Variants in DPP10 observed in about 807,000 individuals in gnomAD.
DPP10 encodes inactive dipeptidyl peptidase 10.
DPP10 carries 33 observed loss-of-function variants against 120.9 expected under a neutral mutation model. That is an observed-to-expected ratio of 0.27 (90% CI 0.21 to 0.37). DPP10 has a LOEUF of 0.37. Among genes scored for constraint, DPP10 ranks in the 10% least tolerant of loss-of-function variants. The probability of loss-of-function intolerance (pLI) is 1.00; values close to 1 mark genes in which losing one functional copy is unlikely to be tolerated. For missense variants in DPP10, 816 were observed against 942.8 expected (o/e 0.87, Z 1.76); for synonymous variants, 337 against 326.1 (o/e 1.03, Z -0.36).
At chr2:114,834,260 C>T (rs1445063851) in intron 1 of DPP10, among the ~76,000 whole-genome samples, 1 of 150,368 alleles carries the variant, frequency 6.7e-6, no homozygotes, top group Non-Finnish European at 1.5e-5. Flanking sequence ...ATATATAAGA[C>T]ATATCTACAC....
intron 1 of DPP10, among the ~76,000 whole-genome samples, chr2:115,277,883 C>A (rs1442864655): frequency 6.6e-6 from 1 of 152,076 alleles, no homozygotes; most frequent in Non-Finnish European, 1.5e-5. Context: ...TATCTAACTT[C>A]TACTGTTAAC....
chr2:115,721,384 G>A (rs952277016), intron 7 of DPP10, among the ~76,000 whole-genome samples: 2 of 151,982 alleles, frequency 1.3e-5, no homozygotes, highest in African/African-American at 2.4e-5. Context: ...GCTGCCCTAT[G>A]GTTTTGTACA....
chr2:115,844,639 TA>T lies in DPP10; in HGVS notation c.*2295del, dbSNP rs1480423482. 6.6e-6 allele frequency: 1 copy of T among 152,202 alleles called. No homozygotes were observed. Among genetic ancestry groups the T allele is most frequent in the Non-Finnish European group, 1.5e-5 (1 of 68,028 alleles). The allele number at this position is 152,202 out of a possible 1,614,324, so 9.4% of individuals were successfully genotyped here. ...TCATGTGATTGGATTTTCCCCTGTA[TA>T]CATGTACCCTTGGTCATAATCCCAC... is the stretch of plus-strand genomic sequence containing the variant. On this transcript the variant is annotated 3_prime_UTR_variant, in exon 26 of 26. Coordinates refer to ENST00000410059, the MANE Select transcript of DPP10 (RefSeq NM_020868.6).
chr2:115,100,318 A>G (rs942261345), intron 1 of DPP10, among the ~76,000 whole-genome samples: 3 of 152,102 alleles, frequency 2.0e-5, no homozygotes, highest in Non-Finnish European at 4.4e-5. Flanking sequence ...GCATGGTGGC[A>G]CATGCCTGTA....
chr2:114,660,777 A>G (rs556682794), intron 1 of DPP10, among the ~76,000 whole-genome samples: 1 of 152,348 alleles, frequency 6.6e-6, no homozygotes, highest in East Asian at 1.9e-4. Context: ...TTTACTTGGC[A>G]GTAAGTACTG....
At chr2:115,162,201 G>C in intron 1 of DPP10, 1 of 1,554,060 alleles carries the variant, frequency 6.4e-7, no homozygotes, top group Non-Finnish European at 8.7e-7. Flanking sequence ...GGAAGTTAGA[G>C]CCTCTGCGTG....
chr2:115,469,902 A>AGG (rs2074587358), intron 3 of DPP10, among the ~76,000 whole-genome samples: 1 of 82,978 alleles, frequency 1.2e-5, no homozygotes, highest in Non-Finnish European at 2.6e-5. Context: ...AAAAAAAAGA[A>AGG]AAAAAAAAAC....
intron 1 of DPP10, among the ~76,000 whole-genome samples, chr2:114,668,327 GAGA>G (rs149713274): frequency 0.017 from 2,635 of 152,276 alleles, 42 homozygotes; most frequent in African/African-American, 0.042. Flanking sequence ...TGTTATCCAA[GAGA>G]AGAAGAAGAT....
rs1156445109 is a variant in DPP10 at position 114,765,547 on chromosome 2, A to G, written c.60+322709A>G. Among the ~76,000 whole-genome samples, 3 of 152,310 alleles carry G rather than the reference A, an allele frequency of 2.0e-5. No homozygotes were observed. In the East Asian group the frequency reaches 5.8e-4, roughly 29 times the overall value. On this transcript the variant is annotated intron_variant, in intron 1 of 25. Transcript: ENST00000410059. The stretch of plus-strand genomic sequence containing the variant: ...TGTGGCCGAGGACAGGCTTCAAAAG[A>G]CACTCCTACTACAGTCGGAAAAATC...
At chr2:115,538,975 T>G (rs2079028517) in intron 5 of DPP10, among the ~76,000 whole-genome samples, 1 of 152,000 alleles carries the variant, frequency 6.6e-6, no homozygotes, top group Admixed American at 6.6e-5. Context: ...TATTAGTAAT[T>G]GATTTAACCA....
At chr2:115,240,295 C>G (rs370514266) in intron 1 of DPP10, among the ~76,000 whole-genome samples, 3 of 152,194 alleles carry the variant, frequency 2.0e-5, no homozygotes, top group Admixed American at 1.3e-4. Context: ...GATCACCATT[C>G]TAACTGGTAT....
chr2:114,984,636 T>C (rs1700288048), intron 1 of DPP10, among the ~76,000 whole-genome samples: 1 of 151,978 alleles, frequency 6.6e-6, no homozygotes, highest in Non-Finnish European at 1.5e-5. Flanking sequence ...AATAAATAAA[T>C]AAATAAAACA....
intron 1 of DPP10, among the ~76,000 whole-genome samples, chr2:114,957,296 C>CAT (rs1017688169): frequency 6.6e-6 from 1 of 151,740 alleles, no homozygotes; most frequent in Non-Finnish European, 1.5e-5. Flanking sequence ...CAAGAGAAGA[C>CAT]ATATATATTT....
intron 25 of DPP10, among the ~76,000 whole-genome samples, chr2:115,841,790 C>T (rs1690175277): frequency 6.6e-6 from 1 of 152,112 alleles, no homozygotes; most frequent in African/African-American, 2.4e-5. Context: ...CAAGGAAGAC[C>T]TTATGAAAAA....
At chr2:115,098,731 A>G (rs930510944) in intron 1 of DPP10, among the ~76,000 whole-genome samples, 6 of 152,216 alleles carry the variant, frequency 3.9e-5, no homozygotes, top group African/African-American at 1.4e-4. Flanking sequence ...CAAAAAGGAC[A>G]GTAAATGAGA....
chr2:114,623,162 G>A (rs1036351893), intron 1 of DPP10, among the ~76,000 whole-genome samples: 3 of 152,054 alleles, frequency 2.0e-5, no homozygotes, highest in African/African-American at 7.2e-5. Flanking sequence ...CCATGAGGAT[G>A]GTGCAGTGAC....
At chr2:115,087,538 C>CTTTTTT (rs56685721) in intron 1 of DPP10, among the ~76,000 whole-genome samples, 43 of 99,218 alleles carry the variant, frequency 4.3e-4, no homozygotes, top group African/African-American at 7.8e-4. Flanking sequence ...CTTTTCTTTT[C>CTTTTTT]TTTTTTTTTT....
intron 7 of DPP10, among the ~76,000 whole-genome samples, chr2:115,707,462 A>T (rs13430574): frequency 0.041 from 5,531 of 134,194 alleles, 211 homozygotes; most frequent in African/African-American, 0.15. Flanking sequence ...ACACACACAC[A>T]CTCTCTCCAC....
intron 10 of DPP10, among the ~76,000 whole-genome samples, chr2:115,750,472 G>A (rs1466431931): frequency 6.6e-6 from 1 of 152,132 alleles, no homozygotes; most frequent in Non-Finnish European, 1.5e-5. Flanking sequence ...AAAATTTGTG[G>A]AGAGCTTTCA....
Sources: gnomAD v4.1 joint callset for allele counts (sites outside exome capture counted in the v4.1 genomes callset) on GRCh38, gnomAD v4.1.1 for gene constraint, MANE v1.5 for transcripts, NCBI Gene and HGNC (gene_info 2026-07-23, HGNC 2026-07-21) for gene names.